Variants in VAV2 observed in about 807,000 individuals in gnomAD.
VAV2 encodes the protein vav guanine nucleotide exchange factor 2.
Under a neutral mutation model 132.5 loss-of-function variants are expected in VAV2, and 67 were observed. That is an observed-to-expected ratio of 0.51 (90% CI 0.42 to 0.62). VAV2 has a LOEUF of 0.62. Ranked by LOEUF, VAV2 falls within the 20% of genes least tolerant of loss-of-function variation. The pLI, the probability that VAV2 is intolerant of heterozygous loss-of-function variation, is 0.00. For missense variants in VAV2, 938 were observed against 1,153.6 expected (o/e 0.81, Z 2.71); for synonymous variants, 492 against 443.5 (o/e 1.11, Z -1.37).
chr9:133,834,410 C>A lies in VAV2; in HGVS notation c.381-70G>T. 1 of 1,527,824 alleles carries A rather than the reference C, an allele frequency of 6.5e-7. No homozygotes were observed. The highest frequency in any genetic ancestry group is 8.9e-7 in the Non-Finnish European group (1 of 1,119,712). 94.6% of individuals were successfully genotyped at this position (1,527,824 alleles called of 1,614,324 possible). Reference sequence around the variant, plus strand: ...GCCGGCCAGTGGGACCCCAGCTGGACCCCACAGCAGAGCCCAGTGTGGCCC... The same window carrying A: ...GCCGGCCAGTGGGACCCCAGCTGGAACCCACAGCAGAGCCCAGTGTGGCCC... On this transcript the variant is annotated intron_variant, in intron 3 of 29. Coordinates refer to ENST00000371850, the MANE Select transcript of VAV2 (RefSeq NM_001134398.2). This position sits in a 1 kb window ranked among gnomAD's most constrained non-coding sequence, Gnocchi z 5.9.
chr9:133,789,137 C>T (rs1834350657), intron 14 of VAV2, 121 bp downstream of exon 14: 6 of 1,077,674 alleles, frequency 5.6e-6, no homozygotes, highest in African/African-American at 1.6e-5. Context: ...ACAAAGCCAC[C>T]GCCAGGCAGC....
At chr9:133,896,460 A>AT (rs1274605162) in intron 2 of VAV2, among the ~76,000 whole-genome samples, 1 of 152,216 alleles carries the variant, frequency 6.6e-6, no homozygotes, top group Admixed American at 6.5e-5. Flanking sequence ...TCTCAAAAAA[A>AT]TAAATAAATA....
rs1347775960 is a variant in VAV2, at chr9:133,824,664, T to C, written c.449+9608A>G. Among the ~76,000 whole-genome samples the C allele has an allele frequency of 6.6e-6, 1 of 151,896 alleles. No homozygotes were observed. Among genetic ancestry groups the C allele is most frequent in the African/African-American group, 2.4e-5 (1 of 41,338 alleles). On this transcript the variant is annotated intron_variant, in intron 4 of 29. Transcript: ENST00000371850. The surrounding 1 kb of genome is among the most constrained non-coding windows in gnomAD (Gnocchi z 5.2). ...AGGTAGAGGAACCTCGAGTGAGAAG[T>C]GCAGGGGCCCACAACGGGGTCCCAG...
chr9:133,976,617 A>G (rs933122707), intron 1 of VAV2, among the ~76,000 whole-genome samples: 6 of 152,214 alleles, frequency 3.9e-5, no homozygotes, highest in Non-Finnish European at 7.3e-5. Context: ...ATGCCTGGCA[A>G]ACAGACCCCC....
intron 1 of VAV2, among the ~76,000 whole-genome samples, chr9:133,949,698 G>A (rs1841490480): frequency 6.6e-6 from 1 of 152,186 alleles, no homozygotes; most frequent in African/African-American, 2.4e-5. Flanking sequence ...GGCCCCGGAG[G>A]CATGGATTCA....
intron 1 of VAV2, among the ~76,000 whole-genome samples, chr9:133,988,886 T>C (rs1268781602): frequency 6.6e-6 from 1 of 150,476 alleles, no homozygotes; most frequent in Non-Finnish European, 1.5e-5. Flanking sequence ...GCCAACATAG[T>C]GAAACGCCGC....
chr9:133,793,999 G>T (rs955594134), intron 12 of VAV2, among the ~76,000 whole-genome samples: 1 of 152,100 alleles, frequency 6.6e-6, no homozygotes, highest in Non-Finnish European at 1.5e-5. Context: ...ACGCACACCC[G>T]CAAGTCACCG....
At chr9:133,866,210 C>T (rs1837794413) in intron 2 of VAV2, among the ~76,000 whole-genome samples, 1 of 152,218 alleles carries the variant, frequency 6.6e-6, no homozygotes, top group African/African-American at 2.4e-5. Context: ...CTTTGACATC[C>T]CTCTTGGTTT....
At chr9:133,900,033 T>A (rs149332318) in intron 2 of VAV2, among the ~76,000 whole-genome samples, 13,061 of 119,312 alleles carry the variant, frequency 0.11, 1,216 homozygotes, top group Non-Finnish European at 0.16. Context: ...AAAAAATAAA[T>A]AAATAAATAA....
intron 1 of VAV2, among the ~76,000 whole-genome samples, chr9:133,989,393 G>A (rs1157021832): frequency 2.7e-5 from 4 of 150,274 alleles, no homozygotes; most frequent in African/African-American, 9.8e-5. Flanking sequence ...GGTGGCAGGC[G>A]CCTGTAATCC....
intron 2 of VAV2, among the ~76,000 whole-genome samples, chr9:133,893,114 G>A (rs1382395955): frequency 1.3e-5 from 2 of 152,124 alleles, no homozygotes; most frequent in Non-Finnish European, 2.9e-5. Context: ...ATGGCTCTGA[G>A]TCCGATCTGG....
chr9:133,903,430 CT>C (rs1384487492), intron 2 of VAV2, among the ~76,000 whole-genome samples: 1 of 152,226 alleles, frequency 6.6e-6, no homozygotes, highest in Admixed American at 6.5e-5. Context: ...GCCCCATCCC[CT>C]GGAGCCCCAC....
chr9:133,933,689 TGGATGGATGGATGGATGG>T (rs1840774089), intron 2 of VAV2, among the ~76,000 whole-genome samples: 5 of 139,580 alleles, frequency 3.6e-5, no homozygotes, highest in East Asian at 2.3e-4. Flanking sequence ...AGATGAATGA[TGGATGGATGGATGGATGG>T]TGAGTGGGTG....
intron 3 of VAV2, among the ~76,000 whole-genome samples, chr9:133,850,300 C>T (rs1837115739): frequency 6.6e-6 from 1 of 152,200 alleles, no homozygotes; most frequent in Admixed American, 6.5e-5. Context: ...CCACGCCCTA[C>T]CCTGCTCTGC....
intron 9 of VAV2, 149 bp from the exon 10 acceptor site, chr9:133,797,958 C>T (rs748582302): frequency 2.7e-5 from 18 of 659,414 alleles, no homozygotes; most frequent in African/African-American, 1.1e-4. Context: ...ACACATTCAA[C>T]GGCCAGGAGG....
At chr9:133,953,429 C>T (rs932346708) in intron 1 of VAV2, among the ~76,000 whole-genome samples, 13 of 152,216 alleles carry the variant, frequency 8.5e-5, no homozygotes, top group Non-Finnish European at 1.2e-4. Flanking sequence ...CCTTTGTTCC[C>T]GTTCATGCCA....
chr9:133,936,335 T>G (rs1588140993), intron 2 of VAV2, among the ~76,000 whole-genome samples: 1 of 150,778 alleles, frequency 6.6e-6, no homozygotes. Flanking sequence ...CTTCACCTCC[T>G]GGGCTCAAGC....
At position 133,776,094 on chromosome 9, in the gene VAV2, A is replaced by T; in HGVS notation, c.1966-14T>A. 1 of 1,612,552 alleles carries T rather than the reference A, an allele frequency of 6.2e-7. No homozygotes were observed. The highest frequency in any genetic ancestry group is 8.5e-7 in the Non-Finnish European group (1 of 1,179,676). ...GCTGATGGGCGGCTGGTGGCAGAGCACAAGAGTGTTAACGGCCCCCCAGGG... is the reference window on the plus strand; with the variant it reads ...GCTGATGGGCGGCTGGTGGCAGAGCTCAAGAGTGTTAACGGCCCCCCAGGG... On this transcript the variant is annotated splice_polypyrimidine_tract_variant and intron_variant, in intron 23 of 29. Transcript: ENST00000371850.
At chr9:133,943,096 A>G (rs1588149692) in intron 1 of VAV2, among the ~76,000 whole-genome samples, 1 of 152,062 alleles carries the variant, frequency 6.6e-6, no homozygotes, top group South Asian at 2.1e-4. Flanking sequence ...GAATGAAGCC[A>G]TGTCGACATC....
Sources: gnomAD v4.1 joint callset for allele counts (sites outside exome capture counted in the v4.1 genomes callset) on GRCh38, gnomAD v4.1.1 for gene constraint, Gnocchi (gnomAD v3.1) non-coding constraint, MANE v1.5 for transcripts, NCBI Gene and HGNC (gene_info 2026-07-23, HGNC 2026-07-21) for gene names.